The following TMCO4 variants were observed in gnomAD, a reference collection of about 807,000 sequenced individuals.
TMCO4 encodes the protein transmembrane and coiled-coil domain-containing protein 4.
In TMCO4, 58 loss-of-function variants were observed where a neutral mutation model predicts 64.7. The ratio of observed to expected loss-of-function variants is 0.90; its 90% CI spans 0.73 to 1.12. The LOEUF (loss-of-function observed/expected upper bound fraction) is 1.12, where lower values mean the gene tolerates loss of function less well. Among genes scored for constraint, TMCO4 ranks in the 50% most tolerant of loss-of-function variants. The pLI, the probability that TMCO4 is intolerant of heterozygous loss-of-function variation, is 0.00. For synonymous variants in TMCO4, 325 were observed against 346.1 expected, an observed-to-expected ratio of 0.94 and a Z score of 0.68; for missense variants, 780 against 825.9, an observed-to-expected ratio of 0.94 and a Z score of 0.68.
intron 13 of TMCO4, among the ~76,000 whole-genome samples, chr1:19,722,978 C>T (rs2095392265): frequency 6.6e-6 from 1 of 152,144 alleles, no homozygotes; most frequent in South Asian, 2.1e-4. Context: ...AGCGTGAGGA[C>T]ACTGATGGGA....
chr1:19,725,916 G>A (rs2095406832), intron 13 of TMCO4, among the ~76,000 whole-genome samples: 1 of 152,216 alleles, frequency 6.6e-6, no homozygotes, highest in Admixed American at 6.5e-5. Flanking sequence ...CAGGCCTTGG[G>A]GGCTGAGGAG....
intron 13 of TMCO4, among the ~76,000 whole-genome samples, chr1:19,722,455 T>C (rs1425629905): frequency 2.6e-5 from 4 of 152,210 alleles, no homozygotes; most frequent in Non-Finnish European, 4.4e-5. Flanking sequence ...GCTATTTTAT[T>C]TTCCTTAAGA....
intron 13 of TMCO4, among the ~76,000 whole-genome samples, chr1:19,703,622 A>T (rs10917521): frequency 0.22 from 32,981 of 148,100 alleles, 3,963 homozygotes; most frequent in South Asian, 0.26. Context: ...ATCTTGGCTC[A>T]CTGCAAATTC....
chr1:19,755,346 G>A (rs2042199505), intron 7 of TMCO4, among the ~76,000 whole-genome samples: 2 of 152,270 alleles, frequency 1.3e-5, no homozygotes, highest in South Asian at 2.1e-4. Flanking sequence ...GGCTGGTCTC[G>A]AACTCCTGAC....
intron 4 of TMCO4, among the ~76,000 whole-genome samples, chr1:19,772,350 A>C (rs927344860): frequency 2.6e-5 from 4 of 152,008 alleles, no homozygotes; most frequent in Non-Finnish European, 5.9e-5. Flanking sequence ...GGAAGAAGTG[A>C]AGGGAAGAGT....
intron 2 of TMCO4, among the ~76,000 whole-genome samples, chr1:19,793,049 C>T (rs981944157): frequency 2.6e-5 from 4 of 152,044 alleles, no homozygotes; most frequent in Admixed American, 6.5e-5. Flanking sequence ...GGATTACAGA[C>T]GTGAGCCACC....
intron 4 of TMCO4, among the ~76,000 whole-genome samples, chr1:19,778,880 A>T (rs1436429864): frequency 6.6e-6 from 1 of 152,150 alleles, no homozygotes; most frequent in African/African-American, 2.4e-5. Flanking sequence ...CCGAGCTCAG[A>T]CTGGAGGGGT....
chr1:19,761,921 G>A (rs2042521757), intron 6 of TMCO4, among the ~76,000 whole-genome samples: 1 of 152,196 alleles, frequency 6.6e-6, no homozygotes, highest in South Asian at 2.1e-4. Flanking sequence ...GGCATCCCTG[G>A]CCTGCTCCTA....
intron 13 of TMCO4, among the ~76,000 whole-genome samples, chr1:19,715,948 G>C (rs1053098364): frequency 6.6e-6 from 1 of 152,168 alleles, no homozygotes; most frequent in African/African-American, 2.4e-5. Flanking sequence ...CCCTGAGATG[G>C]AGCCATGAGT....
At chr1:19,706,695 T>C (rs1327642957) in intron 13 of TMCO4, among the ~76,000 whole-genome samples, 1 of 152,228 alleles carries the variant, frequency 6.6e-6, no homozygotes, top group Non-Finnish European at 1.5e-5. Flanking sequence ...CCTGCAGTAG[T>C]TGGAAAAGCT....
In TMCO4 at chr1:19,732,436, G is replaced by A. The variant is rs182170809; in HGVS notation, c.1264+4936C>T. 1.0e-3 allele frequency among the ~76,000 whole-genome samples: 155 copies of A among 152,306 alleles called. 1 individual carries two copies. Among genetic ancestry groups the A allele is most frequent in the Non-Finnish European group, 1.8e-3 (121 of 68,030 alleles). ...CCACCTCAGCCTCCCAAAGTGTTGG[G>A]ATTACAGGCATGAGCCACTGGACCT... On this transcript the variant is annotated intron_variant, in intron 13 of 15. Transcript: ENST00000294543. The surrounding 1 kb of genome is among the most constrained non-coding windows in gnomAD (Gnocchi z 4.8).
chr1:19,741,742 C>CT (rs11404111), intron 10 of TMCO4, among the ~76,000 whole-genome samples: 14,589 of 142,166 alleles, frequency 0.1, 837 homozygotes, highest in Non-Finnish European at 0.11. Flanking sequence ...TTCTTTCTTT[C>CT]TTTTTTTTTT....
chr1:19,770,430 G>C, intron 6 of TMCO4, 112 bp downstream of exon 6: 1 of 1,206,908 alleles, frequency 8.3e-7, no homozygotes, highest in South Asian at 1.2e-5. Context: ...CCTTCCTGAA[G>C]TCAAAAGACC....
rs543860981 is a variant in TMCO4, at chr1:19,752,856, G to GT, written c.515+2777dup. Among the ~76,000 whole-genome samples, 594 of 151,226 alleles carry GT rather than the reference G, an allele frequency of 3.9e-3. 1 individual carries two copies. Among genetic ancestry groups the GT allele is most frequent in the African/African-American group, 0.013 (535 of 41,202 alleles). On this transcript the variant is annotated intron_variant, in intron 7 of 15. Coordinates refer to ENST00000294543, the MANE Select transcript of TMCO4 (RefSeq NM_181719.7). ...CTTAGGGGGCTGTTATGAGGATCGAGTGAGATGGCATCTTGTGCCTGCATC... is the reference window on the plus strand; with the variant it reads ...CTTAGGGGGCTGTTATGAGGATCGAGTTGAGATGGCATCTTGTGCCTGCATC...
intron 3 of TMCO4, among the ~76,000 whole-genome samples, chr1:19,785,556 G>A (rs1044127546): frequency 6.6e-6 from 1 of 152,208 alleles, no homozygotes; most frequent in Non-Finnish European, 1.5e-5. Flanking sequence ...CTGGGCCTTA[G>A]GGCAGATCAG....
At chr1:19,750,538 T>C (rs2041983244) in intron 7 of TMCO4, among the ~76,000 whole-genome samples, 1 of 152,182 alleles carries the variant, frequency 6.6e-6, no homozygotes, top group Admixed American at 6.5e-5. Context: ...CAAGTATTAA[T>C]AGAAAAATAT....
intron 13 of TMCO4, among the ~76,000 whole-genome samples, chr1:19,712,292 A>T (rs2095334428): frequency 1.3e-5 from 2 of 152,140 alleles, no homozygotes; most frequent in South Asian, 4.1e-4. Flanking sequence ...TAGTAACATC[A>T]AACATCACTG....
intron 15 of TMCO4, among the ~76,000 whole-genome samples, chr1:19,683,658 T>C (rs1026831965): frequency 2.0e-5 from 3 of 151,618 alleles, no homozygotes; most frequent in Non-Finnish European, 2.9e-5. Flanking sequence ...TAAATAAAGA[T>C]GAAGGATGTT....
intron 15 of TMCO4, among the ~76,000 whole-genome samples, chr1:19,683,840 G>A (rs1474146607): frequency 1.6e-5 from 2 of 127,632 alleles, no homozygotes; most frequent in African/African-American, 6.1e-5. Flanking sequence ...TTGGCTCACT[G>A]CAACCTCCAC....
Sources: allele counts gnomAD v4.1 joint callset (sites outside exome capture counted in the v4.1 genomes callset), GRCh38; gene constraint gnomAD v4.1.1; non-coding constraint Gnocchi (gnomAD v3.1); transcripts MANE v1.5; gene names NCBI Gene and HGNC (gene_info 2026-07-23, HGNC 2026-07-21).